The following REDIC1 variants were observed in gnomAD, a reference collection of about 807,000 sequenced individuals.
The protein encoded by REDIC1 is regulator of DNA class I crossover intermediates 1, also known as HEI10 Interacting Protein 1.
At chr12:39,673,311 T>G in the REDIC1 span, among the ~76,000 whole-genome samples, 13 of 152,200 alleles carry the variant, frequency 8.5e-5, no homozygotes, top group Admixed American at 7.9e-4. Context: ...AGTTTTTAAA[T>G]TTTATTAGTT....
the REDIC1 span, among the ~76,000 whole-genome samples, chr12:39,808,692 T>G: frequency 6.6e-6 from 1 of 152,200 alleles, no homozygotes; most frequent in East Asian, 1.9e-4. Flanking sequence ...TGTTGAACAT[T>G]ATATCTATGT....
chr12:39,855,163 C>G, the REDIC1 span, among the ~76,000 whole-genome samples: 2 of 152,072 alleles, frequency 1.3e-5, no homozygotes, highest in African/African-American at 4.8e-5. Context: ...ATTAGACTTG[C>G]GGCTATATTT....
chr12:39,711,673 ATGTGTGTATGCACATGTATG>A, the REDIC1 span, among the ~76,000 whole-genome samples: 2 of 135,610 alleles, frequency 1.5e-5, no homozygotes, highest in South Asian at 4.6e-4. Context: ...ATACACATGT[ATGTGTGTATGCACATGTATG>A]TGTATGTGTA....
the REDIC1 span, among the ~76,000 whole-genome samples, chr12:39,763,152 T>C: frequency 1.3e-5 from 2 of 152,058 alleles, no homozygotes; most frequent in African/African-American, 4.8e-5. Flanking sequence ...GTTTATGAAT[T>C]TATCGAAAAA....
the REDIC1 span, among the ~76,000 whole-genome samples, chr12:39,811,488 G>A: frequency 3.9e-5 from 6 of 152,004 alleles, no homozygotes; most frequent in South Asian, 2.1e-4. Flanking sequence ...GTCCCCTGAC[G>A]TTCTTGATAT....
the REDIC1 span, chr12:39,647,824 C>G: frequency 6.2e-7 from 1 of 1,600,614 alleles, no homozygotes; most frequent in Non-Finnish European, 8.5e-7. Context: ...GTATGCTTCA[C>G]CCTCAGTTCA....
the REDIC1 span, among the ~76,000 whole-genome samples, chr12:39,702,910 A>G: frequency 6.6e-6 from 1 of 152,196 alleles, no homozygotes; most frequent in Non-Finnish European, 1.5e-5. Context: ...CTCTCAATAA[A>G]TTAGGTATTG....
chr12:39,790,225 C>CT, the REDIC1 span, among the ~76,000 whole-genome samples: 1 of 108,030 alleles, frequency 9.3e-6, no homozygotes, highest in African/African-American at 3.5e-5. Flanking sequence ...TCTTCTTCTT[C>CT]TTTTTTTATT....
At chr12:39,761,011 T>C in the REDIC1 span, among the ~76,000 whole-genome samples, 3 of 87,464 alleles carry the variant, frequency 3.4e-5, no homozygotes, top group Non-Finnish European at 8.0e-5. Context: ...GAAACTATAC[T>C]TGTACTTTTG....
the REDIC1 span, among the ~76,000 whole-genome samples, chr12:39,901,126 G>A: frequency 3.9e-5 from 6 of 152,264 alleles, no homozygotes. Flanking sequence ...GGGGAAAACT[G>A]GCTAGCCATA....
chr12:39,711,433 GTA>G, the REDIC1 span, among the ~76,000 whole-genome samples: 1,906 of 84,362 alleles, frequency 0.023, 126 homozygotes, highest in Admixed American at 0.15. Context: ...ATGTGTATAT[GTA>G]TATGTGTGTA....
the REDIC1 span, chr12:39,691,924 C>A: frequency 3.8e-6 from 3 of 790,310 alleles, no homozygotes; most frequent in Non-Finnish European, 5.4e-6. Context: ...AAAAATAAAC[C>A]ATGTTGAACT....
chr12:39,712,250 A>G, the REDIC1 span, among the ~76,000 whole-genome samples: 7 of 143,410 alleles, frequency 4.9e-5, no homozygotes, highest in South Asian at 2.2e-4. Flanking sequence ...ATATGTACAT[A>G]CATATATACA....
the REDIC1 span, among the ~76,000 whole-genome samples, chr12:39,653,501 T>C: frequency 2.5e-5 from 1 of 40,640 alleles, no homozygotes; most frequent in Non-Finnish European, 5.5e-5. Flanking sequence ...TGTCTTCTTC[T>C]TCTTCTTCTT....
chr12:39,794,991 A>C, the REDIC1 span, among the ~76,000 whole-genome samples: 2 of 152,012 alleles, frequency 1.3e-5, no homozygotes, highest in Non-Finnish European at 2.9e-5. Context: ...CAGCAGTCTC[A>C]TTCTAATCTG....
the REDIC1 span, among the ~76,000 whole-genome samples, chr12:39,672,489 GA>G: frequency 6.6e-6 from 1 of 152,276 alleles, no homozygotes; most frequent in African/African-American, 2.4e-5. Context: ...CATGCTTTGA[GA>G]ATTGGCAGTG....
the REDIC1 span, among the ~76,000 whole-genome samples, chr12:39,711,098 G>A: frequency 2.0e-5 from 3 of 151,306 alleles, no homozygotes; most frequent in Non-Finnish European, 4.4e-5. Context: ...TTATGACTTT[G>A]CATCTTCATA....
the REDIC1 span, among the ~76,000 whole-genome samples, chr12:39,713,396 ACATACG>A: frequency 2.1e-4 from 2 of 9,438 alleles, no homozygotes; most frequent in African/African-American, 3.7e-4. Context: ...GTGTGTAGAC[ACATACG>A]TATGTATACA....
chr12:39,679,061 CCACTTCTATT>C, the REDIC1 span, among the ~76,000 whole-genome samples: 1 of 152,106 alleles, frequency 6.6e-6, no homozygotes, highest in East Asian at 1.9e-4. Flanking sequence ...CCCACTTTCA[CCACTTCTATT>C]CAACATAGTA....
Sources: allele counts gnomAD v4.1 joint callset (sites outside exome capture counted in the v4.1 genomes callset), GRCh38; gene constraint gnomAD v4.1.1; transcripts MANE v1.5; gene names NCBI Gene and HGNC (gene_info 2026-07-23, HGNC 2026-07-21).